The following LAMP1 variants were observed in gnomAD, a reference collection of about 807,000 sequenced individuals.
The protein encoded by LAMP1 is lysosome-associated membrane glycoprotein 1.
In LAMP1, 7 loss-of-function variants were observed where a neutral mutation model predicts 37.5. That is an observed-to-expected ratio of 0.19 (90% CI 0.11 to 0.35). LAMP1 has a LOEUF of 0.35. LAMP1 is among the 10% of genes least tolerant of loss of function. LAMP1 has a pLI of 1.00. For missense variants in LAMP1, 537 were observed against 552.8 expected, an observed-to-expected ratio of 0.97 and a Z score of 0.29; for synonymous variants, 236 against 229.1, an observed-to-expected ratio of 1.03 and a Z score of -0.27.
rs2042693083 is a variant in LAMP1 at position 113,320,635 on chromosome 13, C to G, written c.876+165C>G. 3.0e-6 allele frequency: 2 copies of G among 675,424 alleles called. No homozygotes were observed. The allele number at this position is 675,424 out of a possible 1,614,324, so 41.8% of individuals were successfully genotyped here. A position where few individuals can be genotyped will look rare whatever the true frequency, so the allele number is the denominator to read the frequency against. ...TTTAGTTCCTTGGTTCCCCTCCCCCCTTTCCATTCCATTCATAGATGCAGC... is the reference window on the plus strand; with the variant it reads ...TTTAGTTCCTTGGTTCCCCTCCCCCGTTTCCATTCCATTCATAGATGCAGC... On this transcript the variant is annotated intron_variant, in intron 6 of 8. Transcript: ENST00000332556. This position sits in a 1 kb window ranked among gnomAD's most constrained non-coding sequence, Gnocchi z 4.4.
At chr13:113,304,464 T>G (rs1156388951) in intron 1 of LAMP1, among the ~76,000 whole-genome samples, 1 of 152,258 alleles carries the variant, frequency 6.6e-6, no homozygotes, top group Non-Finnish European at 1.5e-5. Flanking sequence ...TGTCTGTTTT[T>G]AGAAACCTTT....
intron 2 of LAMP1, among the ~76,000 whole-genome samples, chr13:113,308,699 C>G: frequency 6.6e-6 from 1 of 152,052 alleles, no homozygotes; most frequent in East Asian, 1.9e-4. Flanking sequence ...TTTAAATATT[C>G]TATTATAAAT....
intron 2 of LAMP1, 128 bp downstream of exon 2, chr13:113,306,734 C>A: frequency 9.8e-7 from 1 of 1,016,278 alleles, no homozygotes. Flanking sequence ...ATATCTCCTT[C>A]TGGTGTTGTC....
intron 4 of LAMP1, among the ~76,000 whole-genome samples, chr13:113,319,035 G>A (rs1261699096): frequency 2.0e-5 from 3 of 152,200 alleles, no homozygotes; most frequent in African/African-American, 2.4e-5. Flanking sequence ...TGTCTGAGTC[G>A]TCACCATTTC....
At chr13:113,300,911 G>T (rs565162370) in intron 1 of LAMP1, among the ~76,000 whole-genome samples, 7 of 152,308 alleles carry the variant, frequency 4.6e-5, no homozygotes, top group Middle Eastern at 3.4e-3. Flanking sequence ...TTTGTCAGCA[G>T]ATTTGAGGTC....
intron 2 of LAMP1, among the ~76,000 whole-genome samples, chr13:113,307,796 T>TA (rs56233302): frequency 0.36 from 50,928 of 141,116 alleles, 9,572 homozygotes; most frequent in Middle Eastern, 0.49. Flanking sequence ...ATCTCTTTTT[T>TA]AAAAAAAAAA....
chr13:113,319,546 C>T lies in LAMP1; in HGVS notation c.640C>T (p.Pro214Ser), dbSNP rs777467422. The stretch of plus-strand genomic sequence containing the variant: ...ACCCAGCCCCTCGCCCTCACCCGTG[C>T]CCAAGAGCCCCTCTGTGGACAAGTA... ...APPSPSPSPV[P>S]KSPSVDKYNV... Residue 214 changes from proline to serine, a missense_variant, in exon 5 of 9, where the codon CCC becomes TCC. By Grantham distance (74) the Pro-to-Ser change is moderately conservative (BLOSUM62 -1). Coordinates refer to ENST00000332556, the MANE Select transcript of LAMP1 (RefSeq NM_005561.4). 1.2e-5 allele frequency: 20 copies of T among 1,613,842 alleles called. No individual in the cohort carries two copies. In the East Asian group the frequency reaches 3.1e-4, roughly 25 times the overall value.
In LAMP1 at chr13:113,297,290, G is replaced by C. The variant is rs1301305645; in HGVS notation, c.-145G>C. 3.4e-5 allele frequency: 6 copies of C among 175,466 alleles called. No homozygotes were observed. In the East Asian group the frequency reaches 6.8e-4, roughly 20 times the overall value. 10.9% of individuals were successfully genotyped at this position (175,466 alleles called of 1,614,324 possible). ...GTCTTCTTCGTGCCGGCGTCGCAGT[G>C]GCCGGGCCTCTTGCGTCTGGTAACG... On this transcript the variant is annotated 5_prime_UTR_variant, in exon 1 of 9. Transcript: ENST00000332556. The surrounding 1 kb of genome is among the most constrained non-coding windows in gnomAD (Gnocchi z 4.4).
At chr13:113,318,674 G>T (rs908888230) in intron 4 of LAMP1, among the ~76,000 whole-genome samples, 1 of 152,188 alleles carries the variant, frequency 6.6e-6, no homozygotes, top group South Asian at 2.1e-4. Flanking sequence ...ATTCCCCAGG[G>T]GTGCCATGTG....
In LAMP1 at chr13:113,297,549, C is replaced by G. The variant is rs958783770; in HGVS notation, c.61+54C>G. On this transcript the variant is annotated intron_variant, in intron 1 of 8. Transcript: ENST00000332556. The surrounding 1 kb of genome is among the most constrained non-coding windows in gnomAD (Gnocchi z 4.4). ...CGGCGGGACCGGGCGGAGCCGAGGT[C>G]CCTGGGTCTTGAGGGCGGGGGACTG... 2.5e-6 allele frequency: 3 copies of G among 1,215,662 alleles called. No homozygotes were observed. Among genetic ancestry groups the G allele is most frequent in the East Asian group, 3.2e-5 (1 of 30,826 alleles). 75.3% of individuals were successfully genotyped at this position (1,215,662 alleles called of 1,614,324 possible).
intron 2 of LAMP1, among the ~76,000 whole-genome samples, chr13:113,308,042 C>T (rs1390926292): frequency 6.6e-6 from 1 of 150,774 alleles, no homozygotes; most frequent in African/African-American, 2.4e-5. Context: ...GACAGAGTTG[C>T]ACTCTGTCCC....
At chr13:113,302,309 C>T (rs1451404864) in intron 1 of LAMP1, among the ~76,000 whole-genome samples, 1 of 152,108 alleles carries the variant, frequency 6.6e-6, no homozygotes, top group Admixed American at 6.5e-5. Context: ...CTCAGCCTCC[C>T]GAGTAGCTGA....
chr13:113,310,643 T>TA, intron 3 of LAMP1, 66 bp from the exon 4 acceptor site: 1 of 1,241,902 alleles, frequency 8.1e-7, no homozygotes. Context: ...AGGGCTAAAA[T>TA]AAAAAACACA....
At chr13:113,315,290 C>T (rs150257448) in intron 4 of LAMP1, among the ~76,000 whole-genome samples, 4,169 of 81,056 alleles carry the variant, frequency 0.051, 85 homozygotes, top group Non-Finnish European at 0.071. Context: ...AGGGAACCAG[C>T]GTGGAGATGC....
Position 113,320,587 on chromosome 13 carries a change from TG to T in LAMP1, c.876+118del. On this transcript the variant is annotated intron_variant, in intron 6 of 8. Transcript: ENST00000332556. This position sits in a 1 kb window ranked among gnomAD's most constrained non-coding sequence, Gnocchi z 4.4. ...GGAAGGAGGCGGCCTCACTTTTTTC[TG>T]CCTTCCCTTTATCCTGGGCTTTTTA... 9.2e-7 allele frequency: 1 copy of T among 1,082,572 alleles called. No individual in the cohort carries two copies. The highest frequency in any genetic ancestry group is 1.5e-5 in the South Asian group (1 of 65,590). 67.1% of individuals were successfully genotyped at this position (1,082,572 alleles called of 1,614,324 possible).
At position 113,322,459 on chromosome 13, in the gene LAMP1, G is replaced by C. The variant is rs993452767; in HGVS notation, c.*38G>C. ...AGGCACAGCAGCTGCAGGGGCCTCT[G>C]TTCCTTTCTCTGGGCTTAGGGTCCT... is the stretch of plus-strand genomic sequence containing the variant. On this transcript the variant is annotated 3_prime_UTR_variant, in exon 9 of 9. Coordinates refer to ENST00000332556, the MANE Select transcript of LAMP1 (RefSeq NM_005561.4). 2 of 1,572,192 alleles carry C rather than the reference G, an allele frequency of 1.3e-6. No homozygotes were observed. The highest frequency in any genetic ancestry group is 3.6e-5 in the Admixed American group (2 of 56,148).
At chr13:113,298,266 T>C (rs998626057) in intron 1 of LAMP1, among the ~76,000 whole-genome samples, 2 of 152,166 alleles carry the variant, frequency 1.3e-5, no homozygotes, top group Non-Finnish European at 2.9e-5. Flanking sequence ...TGTCAGTTTA[T>C]AGAGCTCAGA....
At chr13:113,306,646 G>T in intron 2 of LAMP1, 40 bp downstream of exon 2, 1 of 1,582,878 alleles carries the variant, frequency 6.3e-7, no homozygotes, top group Admixed American at 1.9e-5. Context: ...CCTTGTGTGT[G>T]TGGAAAGATG....
chr13:113,311,548 G>C lies in LAMP1; in HGVS notation c.562+681G>C, dbSNP rs138622835. On this transcript the variant is annotated intron_variant, in intron 4 of 8. Coordinates refer to ENST00000332556, the MANE Select transcript of LAMP1 (RefSeq NM_005561.4). ...AGAGACATAGTCTTATCTCCATCCA[G>C]CTCTGGCCGGCCAGCTTAGGGACAG... Among the ~76,000 whole-genome samples the C allele has an allele frequency of 5.6e-4, 86 of 152,296 alleles. 1 individual carries two copies. The highest frequency in any genetic ancestry group is 3.4e-3 in the Middle Eastern group (1 of 294).
Sources: allele counts gnomAD v4.1 joint callset (sites outside exome capture counted in the v4.1 genomes callset), GRCh38; gene constraint gnomAD v4.1.1; non-coding constraint Gnocchi (gnomAD v3.1); transcripts MANE v1.5; gene names NCBI Gene and HGNC (gene_info 2026-07-23, HGNC 2026-07-21).